PRRX2: variants seen among roughly 807,000 people sequenced by gnomAD.
The protein encoded by PRRX2 is paired mesoderm homeobox protein 2.
A neutral mutation model predicts 18.0 loss-of-function variants in PRRX2; 11 were observed. That is an observed-to-expected ratio of 0.61 (90% CI 0.39 to 1.01). The LOEUF is 1.01. Among genes scored for constraint, PRRX2 ranks in the 50% least tolerant of loss-of-function variants. The probability of loss-of-function intolerance (pLI) is 0.01; values close to 1 mark genes in which losing one functional copy is unlikely to be tolerated. For missense variants in PRRX2, 387 were observed against 351.0 expected (o/e 1.10, Z -0.82); for synonymous variants, 177 against 154.8 (o/e 1.14, Z -1.06).
intron 1 of PRRX2, among the ~76,000 whole-genome samples, chr9:129,693,863 T>G (rs1377808419): frequency 6.6e-6 from 1 of 152,164 alleles, no homozygotes; most frequent in Non-Finnish European, 1.5e-5. Flanking sequence ...GTGGTCTATG[T>G]GGAACTTCCC....
chr9:129,721,786 G>T (rs1424410779), intron 3 of PRRX2, among the ~76,000 whole-genome samples: 1 of 152,110 alleles, frequency 6.6e-6, no homozygotes, highest in Admixed American at 6.5e-5. Context: ...TCAACATGTT[G>T]GCCAGGCTGG....
At chr9:129,673,206 T>C (rs1832121750) in intron 1 of PRRX2, among the ~76,000 whole-genome samples, 1 of 152,214 alleles carries the variant, frequency 6.6e-6, no homozygotes, top group Non-Finnish European at 1.5e-5. Context: ...CCTAGCACTT[T>C]GGGAGGCTGA....
chr9:129,680,290 A>G (rs1212034908), intron 1 of PRRX2, among the ~76,000 whole-genome samples: 1 of 149,632 alleles, frequency 6.7e-6, no homozygotes, highest in African/African-American at 2.5e-5. Flanking sequence ...AATCCCAACT[A>G]CTCCGGAGGC....
chr9:129,668,730 T>C (rs1484528483), intron 1 of PRRX2, among the ~76,000 whole-genome samples: 3 of 143,854 alleles, frequency 2.1e-5, no homozygotes, highest in East Asian at 4.0e-4. Context: ...TGAGCCAAGA[T>C]TGCACCACTG....
intron 1 of PRRX2, among the ~76,000 whole-genome samples, chr9:129,666,550 G>A (rs539702516): frequency 2.0e-5 from 3 of 150,792 alleles, no homozygotes; most frequent in South Asian, 2.1e-4. Context: ...TGGGCTCTTT[G>A]GGGGGCGAGG....
intron 1 of PRRX2, among the ~76,000 whole-genome samples, chr9:129,666,834 T>C (rs1266214569): frequency 6.6e-6 from 1 of 151,512 alleles, no homozygotes; most frequent in African/African-American, 2.4e-5. Context: ...AGGACCGGAG[T>C]CCTCGCGGCT....
chr9:129,684,512 A>ACC (rs1181442027), intron 1 of PRRX2, among the ~76,000 whole-genome samples: 3 of 44,780 alleles, frequency 6.7e-5, no homozygotes, highest in East Asian at 9.8e-4. Flanking sequence ...ACACACACAC[A>ACC]CACACACACA....
intron 1 of PRRX2, among the ~76,000 whole-genome samples, chr9:129,676,573 G>C (rs549976788): frequency 6.6e-6 from 1 of 152,332 alleles, no homozygotes; most frequent in South Asian, 2.1e-4. Context: ...CTGTGAAGCA[G>C]GGACTGAGGC....
chr9:129,691,533 T>C (rs1021060297), intron 1 of PRRX2, among the ~76,000 whole-genome samples: 1 of 152,104 alleles, frequency 6.6e-6, no homozygotes, highest in Non-Finnish European at 1.5e-5. Context: ...TTCGTCTTCA[T>C]TGATGTTATG....
At chr9:129,679,512 G>A (rs1376875447) in intron 1 of PRRX2, among the ~76,000 whole-genome samples, 3 of 152,176 alleles carry the variant, frequency 2.0e-5, no homozygotes, top group African/African-American at 4.8e-5. Flanking sequence ...CATTTTCTAG[G>A]TGAGGAAACT....
Position 129,671,213 on chromosome 9 carries a change from G to T in PRRX2, c.259+5087G>T, listed in dbSNP as rs1832095803. On this transcript the variant is annotated intron_variant, in intron 1 of 3. Transcript: ENST00000372469. This position sits in a 1 kb window ranked among gnomAD's most constrained non-coding sequence, Gnocchi z 4.0. The stretch of plus-strand genomic sequence containing the variant: ...ATCATGTCTCAGCAGGAGCCGGGGA[G>T]CAGGGAGGGAGGAGGAGTGAGTGAG... Among the ~76,000 whole-genome samples, 1 of 152,256 alleles carries T rather than the reference G, an allele frequency of 6.6e-6. No homozygotes were observed. The highest frequency in any genetic ancestry group is 2.4e-5 in the African/African-American group (1 of 41,472).
chr9:129,701,325 G>A (rs1381313017), intron 1 of PRRX2, among the ~76,000 whole-genome samples: 1 of 152,220 alleles, frequency 6.6e-6, no homozygotes, highest in Non-Finnish European at 1.5e-5. Context: ...TGAGGTCATG[G>A]CAGTCACCAA....
intron 1 of PRRX2, among the ~76,000 whole-genome samples, chr9:129,690,673 A>AT (rs1163488676): frequency 6.6e-6 from 1 of 151,632 alleles, no homozygotes; most frequent in South Asian, 2.1e-4. Flanking sequence ...CTTCTGGCTA[A>AT]TTTTTTGTAT....
chr9:129,685,634 C>T (rs189839986), intron 1 of PRRX2, among the ~76,000 whole-genome samples: 17 of 152,190 alleles, frequency 1.1e-4, no homozygotes, highest in Non-Finnish European at 1.9e-4. Flanking sequence ...TGAGCCACTG[C>T]GCCCGGCCAG....
chr9:129,703,984 G>C (rs1195024492), intron 1 of PRRX2, among the ~76,000 whole-genome samples: 1 of 152,268 alleles, frequency 6.6e-6, no homozygotes, highest in Non-Finnish European at 1.5e-5. Flanking sequence ...GACCCCAAGA[G>C]GGGGCAGAGG....
chr9:129,668,792 A>G (rs1023915576), intron 1 of PRRX2, among the ~76,000 whole-genome samples: 6 of 151,098 alleles, frequency 4.0e-5, no homozygotes, highest in Non-Finnish European at 7.4e-5. Flanking sequence ...AAAAAAAAAA[A>G]AAAAAAGAAA....
At chr9:129,701,393 T>A (rs1832494661) in intron 1 of PRRX2, among the ~76,000 whole-genome samples, 1 of 152,232 alleles carries the variant, frequency 6.6e-6, no homozygotes, top group Non-Finnish European at 1.5e-5. Context: ...CGAGGCACTT[T>A]AGGTGTTGCT....
intron 1 of PRRX2, among the ~76,000 whole-genome samples, chr9:129,681,285 T>C (rs960227670): frequency 6.6e-6 from 1 of 152,276 alleles, no homozygotes; most frequent in East Asian, 1.9e-4. Context: ...TTTGGGAGGC[T>C]GAGGCGGGCG....
At chr9:129,666,887 C>A (rs530901433) in intron 1 of PRRX2, among the ~76,000 whole-genome samples, 1 of 152,322 alleles carries the variant, frequency 6.6e-6, no homozygotes, top group East Asian at 1.9e-4. Flanking sequence ...TGAAACCAGG[C>A]CCCTGTCCCC....
Sources: gnomAD v4.1 joint callset for allele counts (sites outside exome capture counted in the v4.1 genomes callset) on GRCh38, gnomAD v4.1.1 for gene constraint, Gnocchi (gnomAD v3.1) non-coding constraint, MANE v1.5 for transcripts, NCBI Gene and HGNC (gene_info 2026-07-23, HGNC 2026-07-21) for gene names.